TCOF1: variants seen among roughly 807,000 people sequenced by gnomAD.
TCOF1 encodes treacle ribosome biogenesis factor 1, also known as treacle protein.
TCOF1 carries 33 observed loss-of-function variants against 149.0 expected under a neutral mutation model. The ratio of observed to expected loss-of-function variants is 0.22; its 90% CI spans 0.17 to 0.30. The LOEUF (loss-of-function observed/expected upper bound fraction) is 0.30, where lower values mean the gene tolerates loss of function less well. Among genes scored for constraint, TCOF1 ranks in the 10% least tolerant of loss-of-function variants. The pLI is 1.00. For synonymous variants in TCOF1, 789 were observed against 738.8 expected (o/e 1.07, Z -1.10); for missense variants, 1,728 against 1,840.7 (o/e 0.94, Z 1.12).
chr5:150,396,213 G>T (rs1207319025), intron 23 of TCOF1, 69 bp from the exon 24 acceptor site: 1 of 1,567,424 alleles, frequency 6.4e-7, no homozygotes, highest in Non-Finnish European at 8.8e-7. Flanking sequence ...CACCCTCTTC[G>T]CTCTTAGGTA....
intron 24 of TCOF1, among the ~76,000 whole-genome samples, chr5:150,397,153 CAAAAAAAAAAA>C (rs58246300): frequency 2.3e-5 from 2 of 88,720 alleles, no homozygotes; most frequent in South Asian, 8.6e-4. Flanking sequence ...GCAAGACTGT[CAAAAAAAAAAA>C]AAAAAAAAAA....
intron 3 of TCOF1, 158 bp from the exon 4 acceptor site, chr5:150,367,686 C>A: frequency 1.3e-6 from 1 of 781,038 alleles, no homozygotes; most frequent in Non-Finnish European, 2.2e-6. Context: ...TGATGCATCA[C>A]AGAGCTCATT....
rs143775352 is a variant in TCOF1 at position 150,380,225 on chromosome 5, T to C, written c.2859+493T>C. On this transcript the variant is annotated intron_variant, in intron 17 of 26. Coordinates refer to ENST00000643257, the MANE Select transcript of TCOF1 (RefSeq NM_001371623.1). The stretch of plus-strand genomic sequence containing the variant: ...CCACATCTCCTTAGGTAAAACCTGC[T>C]ACTAAAACCCCCCAAACGAAGACTT... 1.6e-3 allele frequency: 298 copies of C among 183,984 alleles called. 4 individuals are homozygous for C. The East Asian group carries it at 0.036, about 22-fold the overall frequency. 11.4% of individuals were successfully genotyped at this position (183,984 alleles called of 1,614,324 possible).
chr5:150,381,229 G>A (rs565392270), intron 17 of TCOF1, among the ~76,000 whole-genome samples: 70 of 152,132 alleles, frequency 4.6e-4, no homozygotes, highest in Non-Finnish European at 9.3e-4. Flanking sequence ...TAACCTCTTA[G>A]ATTTGTTTTC....
intron 19 of TCOF1, 104 bp from the exon 20 acceptor site, chr5:150,391,440 C>T (rs891135565): frequency 2.9e-6 from 3 of 1,018,268 alleles, no homozygotes; most frequent in African/African-American, 3.2e-5. Context: ...CCCCTCAGTC[C>T]CTGCTCCAGC....
In TCOF1 at chr5:150,376,481, C is replaced by T. The variant is rs772680686; in HGVS notation, c.2201C>T (p.Ser734Phe). The change falls in exon 14 of 27, where the codon TCC becomes TTC. Residue 734 changes from serine to phenylalanine, a missense_variant. Coordinates refer to ENST00000643257, the MANE Select transcript of TCOF1 (RefSeq NM_001371623.1). ...GCAGCCTCAGTGCCTGTCAAGGGGT[C>T]CTTGGGGCAAGGGACTGCTCCAGTA... ...VKAASVPVKG[S>F]LGQGTAPVLP... The T allele has an allele frequency of 5.6e-6, 9 of 1,614,164 alleles. No homozygotes were observed. Among genetic ancestry groups the T allele is most frequent in the South Asian group, 4.4e-5 (4 of 91,084 alleles).
In TCOF1 at chr5:150,393,423, G is replaced by T. The variant is rs779519869; in HGVS notation, c.3655G>T (p.Ala1219Ser). Residue 1219 changes from alanine (A) to serine (S), a missense_variant, in exon 23 of 27, where the codon GCC becomes TCC. Transcript: ENST00000643257. Reference sequence around the variant, plus strand: ...TGGACTAACCCCAGCCAATTCCCAGGCCTCAAAAGCCACTCCCAAGCTAGA... The same window carrying T: ...TGGACTAACCCCAGCCAATTCCCAGTCCTCAAAAGCCACTCCCAAGCTAGA... Reference protein sequence around the residue: ...TPGLTPANSQASKATPKLDSS... With the variant: ...TPGLTPANSQSSKATPKLDSS... 1 of 1,613,942 alleles carries T rather than the reference G, an allele frequency of 6.2e-7. No homozygotes were observed. Among genetic ancestry groups the T allele is most frequent in the African/African-American group, 1.3e-5 (1 of 74,852 alleles).
intron 17 of TCOF1, 127 bp downstream of exon 17, chr5:150,379,859 G>T (rs901556197): frequency 3.1e-4 from 376 of 1,212,408 alleles, no homozygotes; most frequent in Non-Finnish European, 4.3e-4. Flanking sequence ...ATCACTTGAG[G>T]TCAGGGGTTC....
rs1562380615 is a variant in TCOF1, at chr5:150,379,308, C to G, written c.2558C>G (p.Ala853Gly). 6.2e-7 allele frequency: 1 copy of G among 1,614,226 alleles called. No individual in the cohort carries two copies. Among genetic ancestry groups the G allele is most frequent in the East Asian group, 2.2e-5 (1 of 44,884 alleles). Residue 853 changes from alanine (A) to glycine (G), a missense_variant, in exon 16 of 27, where the codon GCC becomes GGC. Around this residue, in one of 2 missense-constraint regions of TCOF1, gnomAD observed 1,696 missense variants for 1,765.4 expected, o/e 0.96. Transcript: ENST00000643257. The stretch of plus-strand genomic sequence containing the variant: ...GCATCTGTGCCATCTGTGGGGAAGG[C>G]CGTGGCTACAGCAGCTCAGGCCCAG... Reference protein sequence around the residue: ...GPASVPSVGKAVATAAQAQTG... With the variant: ...GPASVPSVGKGVATAAQAQTG...
intron 3 of TCOF1, 48 bp downstream of exon 3, chr5:150,364,300 C>T (rs961364987): frequency 6.2e-7 from 1 of 1,612,480 alleles, no homozygotes; most frequent in African/African-American, 1.3e-5. Context: ...ATTGATTGTT[C>T]TAGGGTAGAG....
chr5:150,382,931 A>C (rs929727206), intron 17 of TCOF1: 14 of 662,654 alleles, frequency 2.1e-5, no homozygotes, highest in Non-Finnish European at 3.3e-5. Context: ...ATCCCTGTGC[A>C]TGTGCAGGAA....
rs144197515 is a variant in TCOF1 at position 150,375,531 on chromosome 5, C to G, written c.1681C>G (p.Pro561Ala). The G allele has an allele frequency of 2.1e-4, 334 of 1,613,994 alleles. No individual in the cohort carries two copies. Among genetic ancestry groups the G allele is most frequent in the Non-Finnish European group, 2.6e-4 (307 of 1,179,996 alleles). The change falls in exon 11 of 27, where the codon CCC (proline) becomes GCC (alanine). Residue 561 changes from proline (P) to alanine (A), a missense_variant. Coordinates refer to ENST00000643257, the MANE Select transcript of TCOF1 (RefSeq NM_001371623.1). ...ATCAGACAGCAGTGATGGAGAGGTG[C>G]CCACAGCTGTGGCCCCGGCTCAGGT... ...ESSDSSDGEV[P>A]TAVAPAQEKS...
intron 3 of TCOF1, 160 bp from the exon 4 acceptor site, chr5:150,367,684 C>G: frequency 1.3e-6 from 1 of 771,476 alleles, no homozygotes; most frequent in Non-Finnish European, 2.2e-6. Flanking sequence ...GCTGATGCAT[C>G]ACAGAGCTCA....
rs764924499 is a variant in TCOF1, at chr5:150,389,982, C to T, written c.3142C>T (p.Arg1048Trp). 4.5e-5 allele frequency: 73 copies of T among 1,613,718 alleles called. No homozygotes were observed. Among genetic ancestry groups the T allele is most frequent in the Non-Finnish European group, 5.4e-5 (64 of 1,179,934 alleles). ...GGCCAGCAGCAGCAAGGAGTCCAGT[C>T]GGATATCAGATGGCAAGAAACAGGA... ...AGASSSKESSRISDGKKQEGP... is the reference protein window; with the variant it reads ...AGASSSKESSWISDGKKQEGP... Residue 1048 changes from arginine to tryptophan, a missense_variant, in exon 19 of 27, where the codon CGG (arginine) becomes TGG (tryptophan). Around this residue, in one of 2 missense-constraint regions of TCOF1, gnomAD observed 1,696 missense variants for 1,765.4 expected, o/e 0.96. Transcript: ENST00000643257.
intron 1 of TCOF1, among the ~76,000 whole-genome samples, chr5:150,360,732 CTTT>C (rs869238792): frequency 4.7e-5 from 6 of 127,396 alleles, no homozygotes; most frequent in Non-Finnish European, 3.3e-5. Context: ...AAAAGACCCT[CTTT>C]TTTTTTTTTT....
chr5:150,383,155 G>A, intron 17 of TCOF1: 1 of 1,535,944 alleles, frequency 6.5e-7, no homozygotes, highest in Non-Finnish European at 8.7e-7. Flanking sequence ...CAGTGAGGAA[G>A]AGCTGCCACT....
intron 17 of TCOF1, chr5:150,383,097 C>G: frequency 1.3e-6 from 2 of 1,536,096 alleles, no homozygotes; most frequent in South Asian, 1.2e-5. Context: ...GAAGCAAGAC[C>G]CTGGCCCCAG....
chr5:150,374,407 C>A, intron 8 of TCOF1, 21 bp downstream of exon 8: 1 of 1,551,388 alleles, frequency 6.4e-7, no homozygotes, highest in African/African-American at 1.4e-5. Flanking sequence ...AGGAGGGAGA[C>A]TCCATGCAGC....
At chr5:150,392,322 A>G in intron 21 of TCOF1, 146 bp downstream of exon 21, 1 of 776,822 alleles carries the variant, frequency 1.3e-6, no homozygotes, top group South Asian at 1.8e-5. Context: ...CCACCTGTAC[A>G]ACTTCATGAG....
Sources: gnomAD v4.1 joint callset for allele counts (sites outside exome capture counted in the v4.1 genomes callset) on GRCh38, gnomAD v4.1.1 for gene constraint, gnomAD v4.1.1 regional missense constraint, MANE v1.5 for transcripts, NCBI Gene and HGNC (gene_info 2026-07-23, HGNC 2026-07-21) for gene names.